The following NRXN1 variants were observed in gnomAD, a reference collection of about 807,000 sequenced individuals.
The protein encoded by NRXN1 is neurexin 1.
NRXN1 carries 39 observed loss-of-function variants against 150.9 expected under a neutral mutation model. The observed-to-expected ratio is 0.26, with a 90% confidence interval of 0.20 to 0.34. NRXN1 has a LOEUF of 0.34. Ranked by LOEUF, NRXN1 falls within the 10% of genes least tolerant of loss-of-function variation. The probability of loss-of-function intolerance (pLI) is 1.00; values close to 1 mark genes in which losing one functional copy is unlikely to be tolerated. For missense variants in NRXN1, 1,815 were observed against 1,949.9 expected, an observed-to-expected ratio of 0.93 and a Z score of 1.30; for synonymous variants, 924 against 757.0, an observed-to-expected ratio of 1.22 and a Z score of -3.62.
chr2:50,694,188 CGT>C (rs1692480496), intron 5 of NRXN1, among the ~76,000 whole-genome samples: 2 of 151,988 alleles, frequency 1.3e-5, no homozygotes, highest in Admixed American at 1.3e-4. Flanking sequence ...CAAATAGAAA[CGT>C]ATGAATTGTT....
At chr2:50,134,811 T>G (rs11125289) in intron 18 of NRXN1, among the ~76,000 whole-genome samples, 5 of 152,036 alleles carry the variant, frequency 3.3e-5, no homozygotes, top group African/African-American at 9.7e-5. Context: ...ATACCATCAT[T>G]GATGAAATTG....
At chr2:50,585,009 T>C (rs1672862974) in intron 8 of NRXN1, among the ~76,000 whole-genome samples, 1 of 152,146 alleles carries the variant, frequency 6.6e-6, no homozygotes, top group Non-Finnish European at 1.5e-5. Flanking sequence ...ACACAAAGTT[T>C]TTTTTCATAA....
intron 18 of NRXN1, among the ~76,000 whole-genome samples, chr2:50,173,761 C>T (rs941554981): frequency 6.6e-5 from 10 of 152,070 alleles, no homozygotes; most frequent in East Asian, 3.9e-4. Context: ...GGCCATTTTA[C>T]GAAGGGCGTG....
intron 18 of NRXN1, among the ~76,000 whole-genome samples, chr2:50,158,813 C>G (rs1162513540): frequency 1.3e-5 from 2 of 151,946 alleles, no homozygotes; most frequent in African/African-American, 4.8e-5. Flanking sequence ...TATTGGCTAC[C>G]CTGTTTATTA....
In NRXN1 at chr2:50,824,809, T is replaced by C. The variant is rs1028111560; in HGVS notation, c.832+97060A>G. Among the ~76,000 whole-genome samples, 3 of 152,092 alleles carry C rather than the reference T, an allele frequency of 2.0e-5. No individual in the cohort carries two copies. In the South Asian group the frequency reaches 6.2e-4, roughly 32 times the overall value. ...CTAGCAAGCACCACAACCTCAGAAA[T>C]TAGAATTTGGTGAGGCAGCTTTTCA... On this transcript the variant is annotated intron_variant, in intron 5 of 22. Coordinates refer to ENST00000401669, the MANE Select transcript of NRXN1 (RefSeq NM_001330078.2).
intron 17 of NRXN1, among the ~76,000 whole-genome samples, chr2:50,302,192 T>C (rs1311463611): frequency 1.3e-5 from 2 of 152,110 alleles, no homozygotes; most frequent in Non-Finnish European, 2.9e-5. Context: ...GGCCATCTCT[T>C]TGAGATTTTT....
intron 2 of NRXN1, among the ~76,000 whole-genome samples, chr2:51,011,913 G>A (rs1309910566): frequency 6.6e-6 from 1 of 152,032 alleles, no homozygotes. Flanking sequence ...GAGGGAGTAT[G>A]AGAGCCTAAA....
At chr2:50,327,143 G>A (rs1035193889) in intron 17 of NRXN1, among the ~76,000 whole-genome samples, 2 of 152,118 alleles carry the variant, frequency 1.3e-5, no homozygotes, top group African/African-American at 4.8e-5. Flanking sequence ...CAAACCAAAT[G>A]TTCTTCCACA....
chr2:50,541,147 A>G (rs1030827956), intron 9 of NRXN1, among the ~76,000 whole-genome samples: 6 of 152,214 alleles, frequency 3.9e-5, no homozygotes, highest in Admixed American at 2.0e-4. Context: ...AATTATTCCA[A>G]GTGTGGTGAT....
intron 13 of NRXN1, among the ~76,000 whole-genome samples, chr2:50,506,289 A>G (rs776610313): frequency 2.6e-5 from 4 of 152,206 alleles, no homozygotes; most frequent in Non-Finnish European, 5.9e-5. Context: ...AGGGCCAAGA[A>G]TATGACATAA....
chr2:50,752,944 T>A (rs183937940), intron 5 of NRXN1, among the ~76,000 whole-genome samples: 1,741 of 152,092 alleles, frequency 0.011, 21 homozygotes, highest in Non-Finnish European at 0.016. Context: ...GATAATTAGA[T>A]GCATTTAATT....
intron 21 of NRXN1, among the ~76,000 whole-genome samples, chr2:50,049,393 T>A (rs930219593): frequency 5.3e-5 from 8 of 152,136 alleles, no homozygotes; most frequent in African/African-American, 1.9e-4. Context: ...CTACTTATTT[T>A]ACAGAGGCAG....
At chr2:50,298,242 G>T (rs1306619022) in intron 17 of NRXN1, among the ~76,000 whole-genome samples, 1 of 151,924 alleles carries the variant, frequency 6.6e-6, no homozygotes, top group Non-Finnish European at 1.5e-5. Flanking sequence ...TTTTTTTAAG[G>T]CACAGATTTT....
intron 5 of NRXN1, among the ~76,000 whole-genome samples, chr2:50,736,783 T>C (rs1478675040): frequency 2.6e-5 from 4 of 152,140 alleles, no homozygotes; most frequent in Non-Finnish European, 4.4e-5. Flanking sequence ...GTCCTGGGTA[T>C]GCCTTTATCA....
intron 21 of NRXN1, chr2:49,945,334 T>C (rs1469162096): frequency 6.6e-6 from 1 of 152,114 alleles, no homozygotes; most frequent in African/African-American, 2.4e-5. Context: ...GTTTGTGGCA[T>C]TTGTAGTGCT....
At chr2:50,109,262 A>G (rs768989554) in intron 18 of NRXN1, among the ~76,000 whole-genome samples, 3 of 152,198 alleles carry the variant, frequency 2.0e-5, no homozygotes, top group Non-Finnish European at 2.9e-5. Context: ...AACAAATTAC[A>G]TAACTCCTCT....
chr2:50,326,676 T>TTAC (rs1279037462), intron 17 of NRXN1, among the ~76,000 whole-genome samples: 3 of 152,214 alleles, frequency 2.0e-5, no homozygotes, highest in African/African-American at 7.2e-5. Flanking sequence ...ACTTGCTTTG[T>TTAC]TACCTTTTGC....
At chr2:49,980,986 T>G (rs760680151) in intron 21 of NRXN1, among the ~76,000 whole-genome samples, 32 of 152,044 alleles carry the variant, frequency 2.1e-4, no homozygotes, top group Non-Finnish European at 4.7e-4. Context: ...AATAGTACAC[T>G]GTACAGAAAT....
intron 12 of NRXN1, among the ~76,000 whole-genome samples, chr2:50,527,485 T>A (rs990085773): frequency 6.6e-6 from 1 of 152,220 alleles, no homozygotes; most frequent in African/African-American, 2.4e-5. Flanking sequence ...GGTTATAATT[T>A]ATTAACTTAA....
Sources: gnomAD v4.1 joint callset for allele counts (sites outside exome capture counted in the v4.1 genomes callset) on GRCh38, gnomAD v4.1.1 for gene constraint, MANE v1.5 for transcripts, NCBI Gene and HGNC (gene_info 2026-07-23, HGNC 2026-07-21) for gene names.